The following DOCK9 variants were observed in gnomAD, a reference collection of about 807,000 sequenced individuals.
The protein encoded by DOCK9 is dedicator of cytokinesis 9, also known as dedicator of cytokinesis protein 9.
A neutral mutation model predicts 263.3 loss-of-function variants in DOCK9; 89 were observed. The ratio of observed to expected loss-of-function variants is 0.34; its 90% CI spans 0.28 to 0.40. DOCK9 has a LOEUF of 0.40. Ranked by LOEUF, DOCK9 falls within the 10% of genes least tolerant of loss-of-function variation. The pLI, the probability that DOCK9 is intolerant of heterozygous loss-of-function variation, is 1.00. For synonymous variants in DOCK9, 976 were observed against 973.1 expected (o/e 1.00, Z -0.06); for missense variants, 2,140 against 2,603.4 (o/e 0.82, Z 3.87).
At chr13:98,833,571 A>C (rs1326848761) in intron 39 of DOCK9, among the ~76,000 whole-genome samples, 5 of 152,142 alleles carry the variant, frequency 3.3e-5, no homozygotes, top group Admixed American at 6.5e-5. Context: ...TTCAGGATTC[A>C]GTCCTCTTCA....
At chr13:98,806,237 ACTAAT>A (rs1331409137) in intron 48 of DOCK9, among the ~76,000 whole-genome samples, 3 of 152,264 alleles carry the variant, frequency 2.0e-5, no homozygotes, top group African/African-American at 7.2e-5. Flanking sequence ...ATTAATCTAG[ACTAAT>A]CTAATGATAA....
intron 8 of DOCK9, among the ~76,000 whole-genome samples, 179 bp downstream of exon 8, chr13:98,915,150 G>T (rs9517482): frequency 0.012 from 1,735 of 148,778 alleles, 10 homozygotes; most frequent in South Asian, 0.026. Context: ...TATACGAAAT[G>T]TCAGGGAAGT....
chr13:98,898,364 G>A, intron 13 of DOCK9, 103 bp from the exon 14 acceptor site: 1 of 774,856 alleles, frequency 1.3e-6, no homozygotes, highest in Non-Finnish European at 2.2e-6. Flanking sequence ...CCTTACCATA[G>A]CATTGGATGC....
intron 1 of DOCK9, among the ~76,000 whole-genome samples, chr13:99,009,339 C>T (rs1385476943): frequency 1.3e-5 from 2 of 152,062 alleles, no homozygotes; most frequent in East Asian, 3.9e-4. Flanking sequence ...TCAAAACAGA[C>T]AACAAAACCC....
chr13:98,894,636 T>A (rs2047107098), intron 15 of DOCK9, among the ~76,000 whole-genome samples: 1 of 152,064 alleles, frequency 6.6e-6, no homozygotes, highest in African/African-American at 2.4e-5. Context: ...TAAAGGTGAC[T>A]GGTTTTTGAA....
At chr13:98,903,870 A>G (rs1272767026) in intron 10 of DOCK9, among the ~76,000 whole-genome samples, 2 of 152,228 alleles carry the variant, frequency 1.3e-5, no homozygotes, top group Non-Finnish European at 2.9e-5. Flanking sequence ...TAAGTTTAAG[A>G]AGCCAGAAAC....
At chr13:98,998,564 T>C (rs1881579703) in intron 1 of DOCK9, among the ~76,000 whole-genome samples, 1 of 152,258 alleles carries the variant, frequency 6.6e-6, no homozygotes, top group Non-Finnish European at 1.5e-5. Flanking sequence ...AATCCATGAA[T>C]GAGGAAGTCT....
upstream of DOCK9, among the ~76,000 whole-genome samples, chr13:98,978,646 T>G (rs1324097174): frequency 6.6e-6 from 1 of 152,172 alleles, no homozygotes; most frequent in Non-Finnish European, 1.5e-5. Flanking sequence ...GAATATTACT[T>G]TAAGTCCAGA....
chr13:98,825,760 GA>G lies in DOCK9; in HGVS notation c.5023+1069del. On this transcript the variant is annotated intron_variant, in intron 44 of 52. Transcript: ENST00000682017. The surrounding 1 kb of genome is among the most constrained non-coding windows in gnomAD (Gnocchi z 4.1). The stretch of plus-strand genomic sequence containing the variant: ...AACCAGAGAGCCACAGAGTAGGAGG[GA>G]AGGAGAGTGAAGTCTGTCCATGCAA... The G allele has an allele frequency of 1.5e-6, 1 of 652,772 alleles. No homozygotes were observed. 40.4% of individuals were successfully genotyped at this position (652,772 alleles called of 1,614,324 possible).
At chr13:98,888,760 A>C in intron 15 of DOCK9, 49 bp from the exon 16 acceptor site, 2 of 1,507,132 alleles carry the variant, frequency 1.3e-6, no homozygotes, top group Non-Finnish European at 1.8e-6. Flanking sequence ...TTAACTCTAA[A>C]ACCGACACTC....
intron 2 of DOCK9, among the ~76,000 whole-genome samples, chr13:98,940,929 A>T (rs1218068337): frequency 1.3e-5 from 2 of 152,106 alleles, no homozygotes; most frequent in Non-Finnish European, 2.9e-5. Flanking sequence ...CTCAGCTGAA[A>T]TTCTTTCAGT....
At chr13:99,036,053 G>A (rs571173887) in intron 1 of DOCK9, among the ~76,000 whole-genome samples, 2 of 152,086 alleles carry the variant, frequency 1.3e-5, no homozygotes, top group Non-Finnish European at 2.9e-5. Context: ...GCCTACCCTA[G>A]CCTCGCAATT....
intron 1 of DOCK9, among the ~76,000 whole-genome samples, chr13:99,031,068 T>C (rs1002294508): frequency 2.6e-5 from 4 of 152,020 alleles, no homozygotes; most frequent in African/African-American, 4.8e-5. Flanking sequence ...AAAAAAAAAA[T>C]TAACAACATA....
chr13:98,915,605 G>T, intron 7 of DOCK9, 102 bp from the exon 8 acceptor site: 2 of 1,173,174 alleles, frequency 1.7e-6, no homozygotes, highest in Non-Finnish European at 1.2e-6. Context: ...TTGGCATTTA[G>T]AACCAAGCTA....
At chr13:98,983,525 T>G (rs1159920431) in intron 1 of DOCK9, among the ~76,000 whole-genome samples, 1 of 152,110 alleles carries the variant, frequency 6.6e-6, no homozygotes, top group African/African-American at 2.4e-5. Context: ...GGGAGACAGT[T>G]TCTCGACCAC....
At chr13:98,990,065 T>G (rs532011499) in intron 1 of DOCK9, among the ~76,000 whole-genome samples, 15 of 152,342 alleles carry the variant, frequency 9.8e-5, no homozygotes, top group African/African-American at 2.9e-4. Flanking sequence ...CACAAAAGCC[T>G]TAGTTGCTCA....
chr13:98,794,722 G>A lies in DOCK9; in HGVS notation c.6183C>T (p.Ser2061=), dbSNP rs1285481570. The change falls in exon 53 of 53, where the codon AGC becomes AGT. Residue 2061 remains serine, a synonymous_variant. Transcript: ENST00000682017. ...AGATGTGAAGGGAATTCGGTAAGAC[G>A]CTCGTCTTCTCCTCCAGGGGGCAGA... ...EQICPLEEKT[S]VLPNSLHIFN... 1 of 1,613,924 alleles carries A rather than the reference G, an allele frequency of 6.2e-7. No homozygotes were observed. The highest frequency in any genetic ancestry group is 1.1e-5 in the South Asian group (1 of 91,056).
At position 99,020,097 on chromosome 13, in the gene DOCK9, G is replaced by A. The variant is rs192047809; in HGVS notation, c.130-64546C>T. Reference sequence around the variant, plus strand: ...AGCCTAGGTGATAGAGTGAGACTCCGTCTCAAAAAATAAAAAAAATTTAAG... The same window carrying A: ...AGCCTAGGTGATAGAGTGAGACTCCATCTCAAAAAATAAAAAAAATTTAAG... On this transcript the variant is annotated intron_variant, in intron 1 of 32. Transcript: ENST00000427887. Among the ~76,000 whole-genome samples the A allele has an allele frequency of 4.5e-3, 682 of 152,092 alleles. 7 individuals carry two copies. Among genetic ancestry groups the A allele is most frequent in the Non-Finnish European group, 4.6e-3 (312 of 67,982 alleles).
In DOCK9 at chr13:98,995,715, C is replaced by T. The variant is rs184690548; in HGVS notation, c.130-40164G>A. On this transcript the variant is annotated intron_variant, in intron 1 of 32. Transcript: ENST00000427887. The stretch of plus-strand genomic sequence containing the variant: ...GTGTTAGCCAGGATGGTCTCGATCT[C>T]CTCACCTTGTGATCCGCCCGTCTAG... 2.0e-3 allele frequency among the ~76,000 whole-genome samples: 307 copies of T among 152,130 alleles called. 1 individual carries two copies. Among genetic ancestry groups the T allele is most frequent in the Middle Eastern group, 3.4e-3 (1 of 294 alleles).
Sources: gnomAD v4.1 joint callset for allele counts (sites outside exome capture counted in the v4.1 genomes callset) on GRCh38, gnomAD v4.1.1 for gene constraint, Gnocchi (gnomAD v3.1) non-coding constraint, MANE v1.5 for transcripts, NCBI Gene and HGNC (gene_info 2026-07-23, HGNC 2026-07-21) for gene names.